Variants in PDE7A observed in about 807,000 individuals in gnomAD.
PDE7A encodes the protein phosphodiesterase 7A, also known as high affinity 3',5'-cyclic-AMP phosphodiesterase 7A.
A neutral mutation model predicts 64.3 loss-of-function variants in PDE7A; 39 were observed. That is an observed-to-expected ratio of 0.61 (90% CI 0.47 to 0.79). PDE7A has a LOEUF of 0.79. Ranked by LOEUF, PDE7A falls within the 30% of genes least tolerant of loss-of-function variation. The pLI, the probability that PDE7A is intolerant of heterozygous loss-of-function variation, is 0.00. For missense variants in PDE7A, 470 were observed against 582.8 expected (o/e 0.81, Z 1.99); for synonymous variants, 203 against 206.8 (o/e 0.98, Z 0.16).
intron 1 of PDE7A, among the ~76,000 whole-genome samples, chr8:65,815,403 T>C (rs553091294): frequency 6.6e-6 from 1 of 152,198 alleles, no homozygotes; most frequent in Non-Finnish European, 1.5e-5. Context: ...TTTTACACTT[T>C]AGAGACAGGA....
intron 7 of PDE7A, 52 bp downstream of exon 7, chr8:65,734,742 T>G: frequency 9.8e-7 from 1 of 1,019,788 alleles, no homozygotes; most frequent in Non-Finnish European, 1.5e-6. Context: ...TGAAAGTAAA[T>G]CAAAAGGAAT....
chr8:65,823,315 A>G (rs1350027663), intron 1 of PDE7A, among the ~76,000 whole-genome samples: 1 of 152,194 alleles, frequency 6.6e-6, no homozygotes, highest in African/African-American at 2.4e-5. Context: ...ATTAAACTGA[A>G]TAATGATGTT....
At chr8:65,720,422 G>T (rs1368751151) in intron 12 of PDE7A, 1 of 154,082 alleles carries the variant, frequency 6.5e-6, no homozygotes, top group Non-Finnish European at 1.5e-5. Flanking sequence ...TGCAGCAAAA[G>T]ACCATGTGGA....
At chr8:65,760,255 T>C (rs1808427756) in intron 3 of PDE7A, among the ~76,000 whole-genome samples, 1 of 152,082 alleles carries the variant, frequency 6.6e-6, no homozygotes, top group South Asian at 2.1e-4. Flanking sequence ...AAAACAAAAA[T>C]GTATCTATTA....
intron 4 of PDE7A, among the ~76,000 whole-genome samples, chr8:65,746,080 G>C (rs1464371361): frequency 6.6e-6 from 1 of 151,226 alleles, no homozygotes; most frequent in Admixed American, 6.6e-5. Flanking sequence ...ACAAGCATGT[G>C]TTACCATACC....
intron 1 of PDE7A, among the ~76,000 whole-genome samples, chr8:65,830,021 A>G (rs774146391): frequency 2.6e-5 from 4 of 152,090 alleles, no homozygotes; most frequent in Non-Finnish European, 5.9e-5. Context: ...CATTGTGTTG[A>G]CACAGCATGT....
intron 3 of PDE7A, among the ~76,000 whole-genome samples, chr8:65,758,562 T>C (rs952313500): frequency 6.6e-6 from 1 of 152,212 alleles, no homozygotes; most frequent in Non-Finnish European, 1.5e-5. Flanking sequence ...ATGCTGAATG[T>C]GAGCACACAC....
intron 3 of PDE7A, among the ~76,000 whole-genome samples, chr8:65,756,008 T>C (rs1264639930): frequency 6.6e-6 from 1 of 152,272 alleles, no homozygotes. Flanking sequence ...CCCTTCATTC[T>C]TCAAGGATAG....
At chr8:65,789,131 T>C in intron 1 of PDE7A, 1 of 1,198,630 alleles carries the variant, frequency 8.3e-7, no homozygotes, top group Non-Finnish European at 1.1e-6. Context: ...CCAGCCAGCC[T>C]TCTTACCCAG....
At chr8:65,785,417 T>TA (rs1168271525) in intron 1 of PDE7A, among the ~76,000 whole-genome samples, 1 of 152,208 alleles carries the variant, frequency 6.6e-6, no homozygotes, top group African/African-American at 2.4e-5. Context: ...CCAAATCATA[T>TA]AGACTACACT....
chr8:65,783,746 T>C (rs1809478406), intron 1 of PDE7A, among the ~76,000 whole-genome samples: 1 of 152,224 alleles, frequency 6.6e-6, no homozygotes, highest in South Asian at 2.1e-4. Context: ...AGTTAAGTTC[T>C]AAATAAAAAT....
At chr8:65,823,972 A>G (rs761184431) in intron 1 of PDE7A, among the ~76,000 whole-genome samples, 2 of 151,882 alleles carry the variant, frequency 1.3e-5, no homozygotes, top group Non-Finnish European at 2.9e-5. Context: ...AAAAATTGAT[A>G]TAAAAATACT....
At chr8:65,784,217 G>C (rs925799918) in intron 1 of PDE7A, among the ~76,000 whole-genome samples, 1 of 151,940 alleles carries the variant, frequency 6.6e-6, no homozygotes, top group Non-Finnish European at 1.5e-5. Context: ...AAAAAAAGGG[G>C]CGAGGGGAAT....
intron 3 of PDE7A, among the ~76,000 whole-genome samples, chr8:65,758,377 GA>G (rs1563492001): frequency 1.3e-5 from 2 of 152,090 alleles, no homozygotes; most frequent in African/African-American, 2.4e-5. Flanking sequence ...AGGTAAGGGG[GA>G]AAAAATGTTT....
In PDE7A at chr8:65,789,020, A is replaced by C; in HGVS notation, c.139-6177T>G. The C allele has an allele frequency of 2.5e-6, 4 of 1,583,490 alleles. No homozygotes were observed. The South Asian group carries it at 4.6e-5, about 18-fold the overall frequency. On this transcript the variant is annotated intron_variant, in intron 1 of 12. Coordinates refer to ENST00000401827, the MANE Select transcript of PDE7A (RefSeq NM_001242318.3). ...AAAACTTCTTAGGAGTCTGATAAAT[A>C]CCAGCTGTCCCGAGGCAAAAGAGAG...
At chr8:65,755,864 C>A (rs1330790303) in intron 3 of PDE7A, among the ~76,000 whole-genome samples, 1 of 152,194 alleles carries the variant, frequency 6.6e-6, no homozygotes, top group African/African-American at 2.4e-5. Context: ...CTCAAGAGAT[C>A]TTCTTGCCCT....
intron 3 of PDE7A, among the ~76,000 whole-genome samples, chr8:65,755,010 T>A (rs1220588200): frequency 1.3e-5 from 2 of 148,378 alleles, no homozygotes; most frequent in African/African-American, 2.4e-5. Context: ...GCCTGTTTAT[T>A]TTTTTTTTCA....
intron 12 of PDE7A, among the ~76,000 whole-genome samples, chr8:65,721,530 A>G (rs1299899745): frequency 6.6e-6 from 1 of 152,190 alleles, no homozygotes; most frequent in Non-Finnish European, 1.5e-5. Context: ...GAGTCAGCAG[A>G]TGTCAACAAT....
chr8:65,731,963 T>A (rs1806906349), intron 7 of PDE7A, among the ~76,000 whole-genome samples: 1 of 151,322 alleles, frequency 6.6e-6, no homozygotes, highest in South Asian at 2.1e-4. Flanking sequence ...CTGGTCATTC[T>A]CTATATTATT....
Sources: allele counts gnomAD v4.1 joint callset (sites outside exome capture counted in the v4.1 genomes callset), GRCh38; gene constraint gnomAD v4.1.1; transcripts MANE v1.5; gene names NCBI Gene and HGNC (gene_info 2026-07-23, HGNC 2026-07-21).